The following ITM2A variants were observed in gnomAD, a reference collection of about 807,000 sequenced individuals.
The protein encoded by ITM2A is BRICHOS domain containing 2A.
In ITM2A, 11 loss-of-function variants were observed where a neutral mutation model predicts 16.6. That is an observed-to-expected ratio of 0.66 (90% CI 0.42 to 1.10). The LOEUF (loss-of-function observed/expected upper bound fraction) is 1.10, where lower values mean the gene tolerates loss of function less well. Among genes scored for constraint, ITM2A ranks in the 50% least tolerant of loss-of-function variants. ITM2A has a pLI of 0.00. For missense variants in ITM2A, 243 were observed against 206.8 expected (o/e 1.17, Z -1.07); for synonymous variants, 102 against 71.2 (o/e 1.43, Z -2.18).
At chrX:79,361,557 G>A (rs1437179804) in intron 4 of ITM2A, 78 bp from the exon 5 acceptor site, 2 of 840,719 alleles carry the variant, frequency 2.4e-6, no homozygotes. Context: ...AAAAGTGCAA[G>A]TTTGTTACTT....
At chrX:79,366,012 G>C in intron 1 of ITM2A, among the ~76,000 whole-genome samples, 1 of 112,016 alleles carries the variant, frequency 8.9e-6, no homozygotes, top group Non-Finnish European at 1.9e-5. Context: ...TTTGAACACA[G>C]AAGTTAAAAC....
rs1024270870 is a variant in ITM2A, at chrX:79,361,456, A to T, written c.576T>A (p.Thr192=). 8.3e-7 allele frequency: 1 copy of T among 1,202,851 alleles called. No homozygotes were observed. Among genetic ancestry groups the T allele is most frequent in the African/African-American group, 1.7e-5 (1 of 57,685 alleles). ...CAACTAGGTCTTCTCGAACCACATA[A>T]GTTTGAGGCAGATATCTGCCACTCT... is the stretch of plus-strand genomic sequence containing the variant. ...KLASGRYLPQ[T]YVVREDLVAV... The change falls in exon 5 of 6, where the codon ACT becomes ACA. Residue 192 remains threonine (T), a synonymous_variant. Transcript: ENST00000373298.
In ITM2A at chrX:79,363,538, G is replaced by T; in HGVS notation, c.128C>A (p.Thr43Asn). The change falls in exon 2 of 6, where the codon ACC (threonine) becomes AAC (asparagine). Residue 43 changes from threonine to asparagine, a missense_variant. Transcript: ENST00000373298. ...CCCAGAGGAGCCCTCTTTTTCCTGGGTGGCAACTCGGAGCTCCTATTTATT... is the reference window on the plus strand; with the variant it reads ...CCCAGAGGAGCCCTCTTTTTCCTGGTTGGCAACTCGGAGCTCCTATTTATT... ...ILTGKELRVA[T>N]QEKEGSSGRC... is the part of the protein sequence containing the mutation. 8.5e-7 allele frequency: 1 copy of T among 1,179,721 alleles called. No homozygotes were observed. The highest frequency in any genetic ancestry group is 1.8e-5 in the African/African-American group (1 of 56,802).
intron 1 of ITM2A, among the ~76,000 whole-genome samples, chrX:79,365,533 G>C (rs143243396): frequency 1.8e-5 from 2 of 111,216 alleles, no homozygotes; most frequent in African/African-American, 6.5e-5. Context: ...TCTCCAAAAC[G>C]TAACAGCAAA....
rs1925433945 is a variant in ITM2A at position 79,361,951 on chromosome X, T to A, written c.553-472A>T. ...CTCTATCATTGATGGACATTTAGGC[T>A]GATACCATGTCTTTGCTATTATAAA... On this transcript the variant is annotated intron_variant, in intron 4 of 5. Coordinates refer to ENST00000373298, the MANE Select transcript of ITM2A (RefSeq NM_004867.5). Among the ~76,000 whole-genome samples, 3 of 109,636 alleles carry A rather than the reference T, an allele frequency of 2.7e-5. No individual in the cohort carries two copies. The South Asian group carries it at 1.2e-3, about 43-fold the overall frequency.
chrX:79,363,432 G>A lies in ITM2A; in HGVS notation c.234C>T (p.Phe78=), dbSNP rs1449475250. Residue 78 remains phenylalanine (F), a synonymous_variant, in exon 2 of 6, where the codon TTC becomes TTT. Transcript: ENST00000373298. ...IVGGACIYKY[F]MPKSTIYRGE... is the part of the protein sequence containing the mutation. ...TAATTATTATTATTACCTTGGGCAT[G>A]AAGTACTTGTAAATGCAGGCTCCAC... is the stretch of plus-strand genomic sequence containing the variant. 3.5e-6 allele frequency: 4 copies of A among 1,135,927 alleles called. No individual in the cohort carries two copies. The highest frequency in any genetic ancestry group is 4.7e-6 in the Non-Finnish European group (4 of 850,623). The allele number at this position is 1,135,927 out of a possible 1,213,427, so 93.6% of individuals were successfully genotyped here.
In ITM2A at chrX:79,367,311, C is replaced by T. The variant is rs754971695; in HGVS notation, c.-96G>A. 3.8e-6 allele frequency: 2 copies of T among 525,362 alleles called. No homozygotes were observed. The highest frequency in any genetic ancestry group is 6.2e-5 in the South Asian group (2 of 32,102). The allele number at this position is 525,362 out of a possible 1,213,427, so 43.3% of individuals were successfully genotyped here. On this transcript the variant is annotated 5_prime_UTR_variant, in exon 1 of 6. Transcript: ENST00000373298. ...ATCCTGTTAGCCCAAACAGCACTTA[C>T]TTTATCTTCAGTCTAACACTACTGC...
Position 79,360,858 on chromosome X carries a change from G to GA in ITM2A, c.*230dup, listed in dbSNP as rs1183855396. 6 of 236,981 alleles carry GA rather than the reference G, an allele frequency of 2.5e-5. No homozygotes were observed. Among genetic ancestry groups the GA allele is most frequent in the African/African-American group, 1.7e-4 (6 of 34,321 alleles). The allele number at this position is 236,981 out of a possible 1,213,427, so 19.5% of individuals were successfully genotyped here. A position where few individuals can be genotyped will look rare whatever the true frequency, so the allele number is the denominator to read the frequency against. Reference sequence around the variant, plus strand: ...GAAATCTAAACCCTATAAATTCAAAGAAAAAATGAAACTCATGTAATTTCA... The same window carrying GA: ...GAAATCTAAACCCTATAAATTCAAAGAAAAAAATGAAACTCATGTAATTTCA... On this transcript the variant is annotated 3_prime_UTR_variant, in exon 6 of 6. Coordinates refer to ENST00000373298, the MANE Select transcript of ITM2A (RefSeq NM_004867.5).
At chrX:79,366,934 T>G in intron 1 of ITM2A, 171 bp downstream of exon 1, 1 of 418,801 alleles carries the variant, frequency 2.4e-6, no homozygotes, top group Non-Finnish European at 4.2e-6. Flanking sequence ...TGACAGAGGG[T>G]GCGGTAAGCA....
At chrX:79,366,461 C>T (rs1200777898) in intron 1 of ITM2A, among the ~76,000 whole-genome samples, 2 of 111,191 alleles carry the variant, frequency 1.8e-5, no homozygotes, top group African/African-American at 3.3e-5. Flanking sequence ...GCATTAAGAT[C>T]CACCTCAATT....
intron 4 of ITM2A, 112 bp downstream of exon 4, chrX:79,362,469 A>C: frequency 2.3e-6 from 1 of 436,690 alleles, no homozygotes; most frequent in Non-Finnish European, 3.9e-6. Flanking sequence ...TTATTTCAAA[A>C]TTATTTCAAT....
chrX:79,364,068 A>G (rs1925506942), intron 1 of ITM2A, among the ~76,000 whole-genome samples: 1 of 111,712 alleles, frequency 9.0e-6, no homozygotes, highest in Admixed American at 9.5e-5. Context: ...TTTTTTCCAA[A>G]TCAGTTTGTC....
Position 79,363,447 on chromosome X carries a change from G to C in ITM2A, c.219C>G (p.Cys73Trp). The C allele has an allele frequency of 1.7e-6, 2 of 1,164,619 alleles. No homozygotes were observed. The highest frequency in any genetic ancestry group is 4.0e-5 in the South Asian group (2 of 49,969). ...CCTTGGGCATGAAGTACTTGTAAATGCAGGCTCCACCAACAATAAGTCCTG... is the reference window on the plus strand; with the variant it reads ...CCTTGGGCATGAAGTACTTGTAAATCCAGGCTCCACCAACAATAAGTCCTG... ...ILAGLIVGGA[C>W]IYKYFMPKST... The change falls in exon 2 of 6, where the codon TGC becomes TGG. Residue 73 changes from cysteine (C) to tryptophan (W), a missense_variant. Coordinates refer to ENST00000373298, the MANE Select transcript of ITM2A (RefSeq NM_004867.5).
chrX:79,361,827 C>T (rs1435191298), intron 4 of ITM2A, among the ~76,000 whole-genome samples: 1 of 99,448 alleles, frequency 1.0e-5, no homozygotes, highest in African/African-American at 3.7e-5. Context: ...TTATCCATGT[C>T]TCTGCAAAGG....
At chrX:79,363,826 A>G (rs1318506852) in intron 1 of ITM2A, among the ~76,000 whole-genome samples, 1 of 111,926 alleles carries the variant, frequency 8.9e-6, no homozygotes, top group African/African-American at 3.2e-5. Context: ...AATCAAATTA[A>G]AATTACCATT....
At chrX:79,362,343 G>A (rs925657318) in intron 4 of ITM2A, among the ~76,000 whole-genome samples, 3 of 111,265 alleles carry the variant, frequency 2.7e-5, no homozygotes, top group African/African-American at 6.5e-5. Flanking sequence ...GAAAATGTCT[G>A]TTCATGTCAT....
At chrX:79,363,647 A>T in intron 1 of ITM2A, 93 bp from the exon 2 acceptor site, 1 of 554,641 alleles carries the variant, frequency 1.8e-6, no homozygotes, top group South Asian at 7.5e-5. Flanking sequence ...CTTGAAACCC[A>T]AGATATTTTT....
intron 4 of ITM2A, 54 bp from the exon 5 acceptor site, chrX:79,361,533 T>C (rs1925417733): frequency 9.4e-7 from 1 of 1,064,689 alleles, no homozygotes; most frequent in Non-Finnish European, 1.3e-6. Flanking sequence ...TTTTTAACTT[T>C]GAAGTTCAGG....
Position 79,363,537 on chromosome X carries a change from G to T in ITM2A, c.129C>A (p.Thr43=). 1 of 1,180,506 alleles carries T rather than the reference G, an allele frequency of 8.5e-7. No individual in the cohort carries two copies. Among genetic ancestry groups the T allele is most frequent in the Non-Finnish European group, 1.1e-6 (1 of 879,658 alleles). The change falls in exon 2 of 6, where the codon ACC becomes ACA. Residue 43 remains threonine, a synonymous_variant. Transcript: ENST00000373298. ...ILTGKELRVA[T]QEKEGSSGRC... ...TCCCAGAGGAGCCCTCTTTTTCCTG[G>T]GTGGCAACTCGGAGCTCCTATTTAT...
Sources: gnomAD v4.1 joint callset for allele counts (sites outside exome capture counted in the v4.1 genomes callset) on GRCh38, gnomAD v4.1.1 for gene constraint, MANE v1.5 for transcripts, NCBI Gene and HGNC (gene_info 2026-07-23, HGNC 2026-07-21) for gene names.